The following C12orf42 variants were observed in gnomAD, a reference collection of about 807,000 sequenced individuals.
The protein encoded by C12orf42 is chromosome 12 open reading frame 42, also known as uncharacterized protein C12orf42.
C12orf42 carries 25 observed loss-of-function variants against 21.6 expected under a neutral mutation model. That is an observed-to-expected ratio of 1.16 (90% CI 0.84 to 1.62). The LOEUF is 1.62. Ranked by LOEUF, C12orf42 falls within the 40% of genes most tolerant of loss-of-function variation. C12orf42 has a pLI of 0.00. For missense variants in C12orf42, 483 were observed against 459.3 expected, an observed-to-expected ratio of 1.05 and a Z score of -0.47; for synonymous variants, 174 against 175.0, an observed-to-expected ratio of 0.99 and a Z score of 0.05.
chr12:103,195,498 A>T, the C12orf42 span, among the ~76,000 whole-genome samples: 3 of 152,110 alleles, frequency 2.0e-5, no homozygotes, highest in Non-Finnish European at 4.4e-5. Flanking sequence ...GACTGGTATG[A>T]GATGCTATCT....
At chr12:103,071,688 T>C in the C12orf42 span, among the ~76,000 whole-genome samples, 1 of 152,140 alleles carries the variant, frequency 6.6e-6, no homozygotes. Context: ...CCATGTAAGA[T>C]GTGACTTTGC....
chr12:103,310,563 T>C (rs2038879952), intron 4 of C12orf42, among the ~76,000 whole-genome samples: 1 of 152,240 alleles, frequency 6.6e-6, no homozygotes, highest in African/African-American at 2.4e-5. Flanking sequence ...CCAATTTGTG[T>C]CTTTGGCCTA....
chr12:103,330,676 C>T (rs1427100338), intron 4 of C12orf42, among the ~76,000 whole-genome samples: 1 of 152,080 alleles, frequency 6.6e-6, no homozygotes. Flanking sequence ...TTTTGGTGGC[C>T]CTCTCTGTTC....
chr12:103,251,477 C>A (rs11111507), intron 10 of C12orf42, among the ~76,000 whole-genome samples: 2 of 152,094 alleles, frequency 1.3e-5, no homozygotes, highest in African/African-American at 4.8e-5. Flanking sequence ...CTTATTTGAA[C>A]CCTGACTGAA....
At chr12:103,305,894 T>C in intron 5 of C12orf42, 80 bp downstream of exon 5, 1 of 1,472,866 alleles carries the variant, frequency 6.8e-7, no homozygotes, top group Non-Finnish European at 9.1e-7. Context: ...AGTCAATATT[T>C]TTTCTGTTTA....
chr12:103,408,826 T>C (rs12823492), intron 2 of C12orf42, among the ~76,000 whole-genome samples: 27,218 of 152,140 alleles, frequency 0.18, 2,822 homozygotes, highest in East Asian at 0.35. Context: ...AGCACAAAAG[T>C]GCATCTGCTG....
the C12orf42 span, among the ~76,000 whole-genome samples, chr12:103,507,519 T>C: frequency 6.7e-6 from 1 of 148,934 alleles, no homozygotes; most frequent in Non-Finnish European, 1.5e-5. Flanking sequence ...AAAAAAAAAA[T>C]TGTTTTTTAT....
chr12:103,107,448 T>TA, the C12orf42 span, among the ~76,000 whole-genome samples: 1 of 151,820 alleles, frequency 6.6e-6, no homozygotes, highest in Non-Finnish European at 1.5e-5. Context: ...CGAGTAAGTA[T>TA]AAAAAAATAG....
the C12orf42 span, chr12:103,505,967 T>C: frequency 6.0e-6 from 1 of 167,740 alleles, no homozygotes; most frequent in Non-Finnish European, 1.3e-5. Context: ...CCCATTGAGT[T>C]TGCTCAGGCG....
chr12:103,546,473 T>C, the C12orf42 span, among the ~76,000 whole-genome samples: 1 of 152,090 alleles, frequency 6.6e-6, no homozygotes, highest in Admixed American at 6.5e-5. Context: ...GTTGCTTAGA[T>C]GACAGGTTGA....
chr12:103,101,318 G>A, the C12orf42 span, among the ~76,000 whole-genome samples: 5 of 152,206 alleles, frequency 3.3e-5, no homozygotes, highest in Non-Finnish European at 7.3e-5. Flanking sequence ...CATTCTGAGA[G>A]GAATGATTCA....
At chr12:103,186,212 T>C in the C12orf42 span, among the ~76,000 whole-genome samples, 2 of 152,212 alleles carry the variant, frequency 1.3e-5, no homozygotes, top group South Asian at 4.1e-4. Context: ...TCTGTTTTCA[T>C]GGCTATAGGC....
intron 4 of C12orf42, among the ~76,000 whole-genome samples, chr12:103,307,622 T>C (rs1401042465): frequency 6.6e-6 from 1 of 152,156 alleles, no homozygotes; most frequent in Non-Finnish European, 1.5e-5. Flanking sequence ...AGTTTAAAGA[T>C]ATATCTAAGA....
At chr12:103,389,237 C>G (rs923802143) in intron 3 of C12orf42, among the ~76,000 whole-genome samples, 1 of 152,110 alleles carries the variant, frequency 6.6e-6, no homozygotes, top group East Asian at 1.9e-4. Context: ...AAGCATCCCC[C>G]CTACTCAGCA....
intron 4 of C12orf42, among the ~76,000 whole-genome samples, chr12:103,294,567 G>A (rs1289888296): frequency 4.3e-5 from 4 of 92,688 alleles, no homozygotes; most frequent in African/African-American, 1.3e-4. Context: ...GAAAGAAAAA[G>A]AAAGGAAGGA....
the C12orf42 span, among the ~76,000 whole-genome samples, chr12:103,192,607 A>T: frequency 4.1e-4 from 63 of 152,154 alleles, no homozygotes; most frequent in Non-Finnish European, 1.3e-4. Context: ...TAGTAACATG[A>T]GATAAGATAG....
intron 2 of C12orf42, among the ~76,000 whole-genome samples, chr12:103,444,828 CCTTT>C (rs1376777490): frequency 2.0e-5 from 3 of 151,952 alleles, no homozygotes; most frequent in South Asian, 2.1e-4. Flanking sequence ...TCATATTTCC[CCTTT>C]CTTCTTTTCT....
chr12:103,358,452 T>C (rs2043780303), intron 4 of C12orf42, among the ~76,000 whole-genome samples: 1 of 152,018 alleles, frequency 6.6e-6, no homozygotes, highest in African/African-American at 2.4e-5. Context: ...TTAATCAAGA[T>C]AGCAATCTCC....
intron 2 of C12orf42, among the ~76,000 whole-genome samples, chr12:103,430,010 T>A (rs1950146892): frequency 6.6e-6 from 1 of 152,110 alleles, no homozygotes; most frequent in Non-Finnish European, 1.5e-5. Context: ...CTAAAAACCA[T>A]GAAAACTCTA....
Sources: allele counts gnomAD v4.1 joint callset (sites outside exome capture counted in the v4.1 genomes callset), GRCh38; gene constraint gnomAD v4.1.1; transcripts MANE v1.5; gene names NCBI Gene and HGNC (gene_info 2026-07-23, HGNC 2026-07-21).